The following ADAMTS3 variants were observed in gnomAD, a reference collection of about 807,000 sequenced individuals.
The protein encoded by ADAMTS3 is A disintegrin and metalloproteinase with thrombospondin motifs 3.
A neutral mutation model predicts 129.0 loss-of-function variants in ADAMTS3; 73 were observed. That is an observed-to-expected ratio of 0.57 (90% confidence interval 0.47 to 0.69). The LOEUF is 0.69. Among genes scored for constraint, ADAMTS3 ranks in the 30% least tolerant of loss-of-function variants. The pLI is 0.00. For missense variants in ADAMTS3, 1,457 were observed against 1,514.5 expected (o/e 0.96, Z 0.63); for synonymous variants, 477 against 510.8 (o/e 0.93, Z 0.89).
chr4:72,424,632 CAG>C (rs1024225775), intron 3 of ADAMTS3, among the ~76,000 whole-genome samples: 11 of 151,996 alleles, frequency 7.2e-5, no homozygotes, highest in African/African-American at 2.7e-4. Flanking sequence ...ATTGTAATAA[CAG>C]TGCATTTGTC....
chr4:72,492,213 C>A (rs1578730694), intron 3 of ADAMTS3, among the ~76,000 whole-genome samples: 1 of 151,690 alleles, frequency 6.6e-6, no homozygotes, highest in East Asian at 1.9e-4. Context: ...AAACAACTTT[C>A]AGCTTTGCTG....
At chr4:72,455,852 T>TTA (rs1285092122) in intron 3 of ADAMTS3, among the ~76,000 whole-genome samples, 2 of 122,140 alleles carry the variant, frequency 1.6e-5, no homozygotes, top group Admixed American at 9.5e-5. Flanking sequence ...ACTATATATT[T>TTA]TATATATAGT....
intron 3 of ADAMTS3, among the ~76,000 whole-genome samples, chr4:72,504,110 T>C (rs1720092975): frequency 6.6e-6 from 1 of 152,142 alleles, no homozygotes; most frequent in Admixed American, 6.6e-5. Context: ...TATTGATATG[T>C]GAGGTTTTGA....
intron 3 of ADAMTS3, among the ~76,000 whole-genome samples, chr4:72,485,584 CTT>C (rs1489076060): frequency 1.3e-5 from 2 of 152,156 alleles, no homozygotes; most frequent in African/African-American, 4.8e-5. Flanking sequence ...TACCAGTACT[CTT>C]GTTTCCTAAC....
In ADAMTS3 at chr4:72,567,503, A is replaced by C; in HGVS notation, c.70-102T>G. 4 of 1,197,492 alleles carry C rather than the reference A, an allele frequency of 3.3e-6. No individual in the cohort carries two copies. The Admixed American group carries it at 7.8e-5, about 23-fold the overall frequency. 74.2% of individuals were successfully genotyped at this position (1,197,492 alleles called of 1,614,324 possible). ...ATTAATGGTTTCCAAGAGCTAACTA[A>C]TCAGGAGATGCTAGAGACTGGGATT... is the stretch of plus-strand genomic sequence containing the variant. On this transcript the variant is annotated intron_variant, in intron 1 of 21. Transcript: ENST00000286657.
At chr4:72,404,506 C>A (rs1013231085) in intron 4 of ADAMTS3, among the ~76,000 whole-genome samples, 1 of 151,740 alleles carries the variant, frequency 6.6e-6, no homozygotes, top group Admixed American at 6.6e-5. Context: ...AAAAATCAAC[C>A]CCAGATGGAT....
chr4:72,451,912 CATA>C (rs1254569157), intron 3 of ADAMTS3, among the ~76,000 whole-genome samples: 13 of 151,574 alleles, frequency 8.6e-5, no homozygotes, highest in Non-Finnish European at 1.9e-4. Flanking sequence ...ACCAAAGCAA[CATA>C]ATGAGACCCC....
At chr4:72,469,388 A>T (rs961544314) in intron 3 of ADAMTS3, among the ~76,000 whole-genome samples, 1 of 152,122 alleles carries the variant, frequency 6.6e-6, no homozygotes, top group Non-Finnish European at 1.5e-5. Context: ...CTCATTGTTT[A>T]ATATCAGAGG....
Position 72,414,867 on chromosome 4 carries a change from T to A in ADAMTS3, c.609A>T (p.Arg203Ser). ...CTATGGGAGCCTGTTCTACAGCTGA[T>A]CTCTTGTAGACAACATGAATCCTTC... The part of the protein sequence containing the change: ...EKGRIHVVYK[R>S]SAVEQAPIDM... The change falls in exon 4 of 22, where the codon AGA becomes AGT. Residue 203 changes from arginine to serine, a missense_variant. Transcript: ENST00000286657. The A allele has an allele frequency of 6.4e-7, 1 of 1,565,562 alleles. No individual in the cohort carries two copies. The highest frequency in any genetic ancestry group is 8.6e-7 in the Non-Finnish European group (1 of 1,158,096).
intron 4 of ADAMTS3, among the ~76,000 whole-genome samples, chr4:72,348,132 G>A (rs1439732257): frequency 6.6e-6 from 1 of 152,008 alleles, no homozygotes; most frequent in Non-Finnish European, 1.5e-5. Context: ...ACCACTTTAT[G>A]TCACACTGCT....
chr4:72,339,826 AT>A, intron 4 of ADAMTS3, 133 bp from the exon 5 acceptor site: 1 of 713,934 alleles, frequency 1.4e-6, no homozygotes, highest in Non-Finnish European at 2.3e-6. Flanking sequence ...TTTTCAGTTT[AT>A]TCCTTAAATA....
chr4:72,326,146 C>T (rs1005745564), intron 5 of ADAMTS3, among the ~76,000 whole-genome samples: 1 of 152,072 alleles, frequency 6.6e-6, no homozygotes, highest in Non-Finnish European at 1.5e-5. Context: ...TGAGTCAGCA[C>T]ACATTTTGAG....
intron 4 of ADAMTS3, among the ~76,000 whole-genome samples, chr4:72,378,423 A>G (rs1043535197): frequency 2.8e-4 from 43 of 152,226 alleles, no homozygotes; most frequent in African/African-American, 1.0e-3. Context: ...GAAACTATTT[A>G]TATCAATGAC....
At chr4:72,493,207 C>A (rs570442110) in intron 3 of ADAMTS3, among the ~76,000 whole-genome samples, 1 of 151,884 alleles carries the variant, frequency 6.6e-6, no homozygotes, top group Non-Finnish European at 1.5e-5. Context: ...TGAGTTTAAT[C>A]CATTTATATT....
chr4:72,375,295 C>T (rs977046196), intron 4 of ADAMTS3, among the ~76,000 whole-genome samples: 24 of 152,134 alleles, frequency 1.6e-4, no homozygotes, highest in Non-Finnish European at 7.3e-5. Context: ...GCCCCCAGGC[C>T]GCCAAAGCAT....
At chr4:72,536,960 G>A (rs1454519338) in intron 3 of ADAMTS3, among the ~76,000 whole-genome samples, 1 of 152,132 alleles carries the variant, frequency 6.6e-6, no homozygotes, top group African/African-American at 2.4e-5. Flanking sequence ...ATTGTAAAAA[G>A]GTGATAGAAT....
chr4:72,419,584 G>A (rs530897487), intron 3 of ADAMTS3, among the ~76,000 whole-genome samples: 38 of 152,150 alleles, frequency 2.5e-4, no homozygotes, highest in Non-Finnish European at 4.7e-4. Context: ...ACACAAATTC[G>A]TAAACTTTCT....
chr4:72,417,248 T>G (rs1232754733), intron 3 of ADAMTS3, among the ~76,000 whole-genome samples: 1 of 152,216 alleles, frequency 6.6e-6, no homozygotes, highest in African/African-American at 2.4e-5. Context: ...TTCTCCCAGA[T>G]GAGTGCCTGA....
intron 4 of ADAMTS3, among the ~76,000 whole-genome samples, chr4:72,382,047 G>A (rs1359226809): frequency 3.3e-5 from 5 of 152,102 alleles, no homozygotes; most frequent in Non-Finnish European, 7.4e-5. Flanking sequence ...GGCAGTAATT[G>A]AGGCTGTGCA....
Sources: gnomAD v4.1 joint callset for allele counts (sites outside exome capture counted in the v4.1 genomes callset) on GRCh38, gnomAD v4.1.1 for gene constraint, MANE v1.5 for transcripts, NCBI Gene and HGNC (gene_info 2026-07-23, HGNC 2026-07-21) for gene names.